Variants in B4GALT5 observed in about 807,000 individuals in gnomAD.
B4GALT5 encodes beta-1,4-galactosyltransferase 5, also known as UDP-Gal:beta-GlcNAc beta-1,4-galactosyltransferase 5.
B4GALT5 carries 11 observed loss-of-function variants against 45.0 expected under a neutral mutation model. The observed-to-expected ratio is 0.24, with a 90% CI of 0.15 to 0.40. The LOEUF is 0.40. Ranked by LOEUF, B4GALT5 falls within the 10% of genes least tolerant of loss-of-function variation. The probability of loss-of-function intolerance (pLI) is 1.00; values close to 1 mark genes in which losing one functional copy is unlikely to be tolerated. For synonymous variants in B4GALT5, 185 were observed against 182.9 expected (o/e 1.01, Z -0.09); for missense variants, 337 against 500.2 (o/e 0.67, Z 3.11).
intron 2 of B4GALT5, among the ~76,000 whole-genome samples, chr20:49,651,138 T>A (rs545974570): frequency 6.6e-6 from 1 of 151,724 alleles, no homozygotes; most frequent in Non-Finnish European, 1.5e-5. Context: ...TACAAAAAAT[T>A]AGCCAGGCAC....
At chr20:49,674,492 AAC>A (rs1421315354) in intron 1 of B4GALT5, among the ~76,000 whole-genome samples, 1 of 152,110 alleles carries the variant, frequency 6.6e-6, no homozygotes, top group East Asian at 1.9e-4. Flanking sequence ...CTGTAATCCC[AAC>A]ACTTTGGAAT....
At chr20:49,648,744 G>A (rs1445025449) in intron 2 of B4GALT5, among the ~76,000 whole-genome samples, 1 of 152,098 alleles carries the variant, frequency 6.6e-6, no homozygotes, top group African/African-American at 2.4e-5. Flanking sequence ...TTTCCTAGGG[G>A]ACTGTACTTG....
chr20:49,655,414 A>C (rs2085638673), intron 2 of B4GALT5, among the ~76,000 whole-genome samples: 1 of 152,096 alleles, frequency 6.6e-6, no homozygotes, highest in Non-Finnish European at 1.5e-5. Flanking sequence ...CCTGGGTGAC[A>C]AGAGCAAAAC....
chr20:49,663,690 A>AAAAAAAT (rs1555812124), intron 1 of B4GALT5, among the ~76,000 whole-genome samples: 3 of 96,960 alleles, frequency 3.1e-5, no homozygotes, highest in African/African-American at 1.3e-4. Flanking sequence ...AAAAAAAAAA[A>AAAAAAAT]ATATATACAT....
intron 1 of B4GALT5, among the ~76,000 whole-genome samples, chr20:49,670,841 A>G (rs1351073661): frequency 2.6e-5 from 4 of 152,200 alleles, no homozygotes; most frequent in Non-Finnish European, 5.9e-5. Context: ...TACAGATCAA[A>G]GTGAAATGTT....
Position 49,632,987 on chromosome 20 carries a change from TAAATTAACATAC to T in B4GALT5, c.*3313_*3324del, listed in dbSNP as rs1170305167. On this transcript the variant is annotated 3_prime_UTR_variant, in exon 9 of 9. Transcript: ENST00000371711. ...TATTTTTTACTGAAAAAATCATTCA[TAAATTAACATAC>T]AAAAATGTACAAACACATGAGTAAA... 2 of 152,650 alleles carry T rather than the reference TAAATTAACATAC, an allele frequency of 1.3e-5. No individual in the cohort carries two copies. Among genetic ancestry groups the T allele is most frequent in the Admixed American group, 6.5e-5 (1 of 15,288 alleles). The allele number at this position is 152,650 out of a possible 1,614,324, so 9.5% of individuals were successfully genotyped here.
At chr20:49,704,708 G>A (rs2085877102) in intron 1 of B4GALT5, among the ~76,000 whole-genome samples, 1 of 148,074 alleles carries the variant, frequency 6.8e-6, no homozygotes, top group Non-Finnish European at 1.5e-5. Flanking sequence ...GACAGAGCAA[G>A]ACTCTGTCTC....
At chr20:49,681,012 G>A (rs1238957011) in intron 1 of B4GALT5, among the ~76,000 whole-genome samples, 1 of 151,980 alleles carries the variant, frequency 6.6e-6, no homozygotes, top group African/African-American at 2.4e-5. Context: ...CCTGAGGCCA[G>A]GAGTTTGAGA....
chr20:49,668,955 T>C (rs1037307902), intron 1 of B4GALT5, among the ~76,000 whole-genome samples: 6 of 152,014 alleles, frequency 3.9e-5, no homozygotes, highest in Admixed American at 3.9e-4. Context: ...TCAACTTCCT[T>C]GGCTCAAGCA....
intron 1 of B4GALT5, among the ~76,000 whole-genome samples, chr20:49,702,348 T>C (rs2085865501): frequency 6.6e-6 from 1 of 152,144 alleles, no homozygotes; most frequent in African/African-American, 2.4e-5. Context: ...AGAAAAAGAA[T>C]GGGCACACTG....
intron 1 of B4GALT5, among the ~76,000 whole-genome samples, chr20:49,695,793 A>G (rs941436486): frequency 2.6e-5 from 4 of 152,128 alleles, no homozygotes; most frequent in Non-Finnish European, 4.4e-5. Context: ...GCATGACATT[A>G]ATGATATTCC....
intron 1 of B4GALT5, among the ~76,000 whole-genome samples, chr20:49,697,371 G>C (rs1387048980): frequency 2.0e-5 from 3 of 152,244 alleles, no homozygotes; most frequent in African/African-American, 7.2e-5. Context: ...ACTTCTGGCT[G>C]TACATTCTGA....
At chr20:49,695,909 T>C (rs955287187) in intron 1 of B4GALT5, among the ~76,000 whole-genome samples, 1 of 152,206 alleles carries the variant, frequency 6.6e-6, no homozygotes, top group South Asian at 2.1e-4. Context: ...CAAAGAAATA[T>C]GCTGAGTTTT....
intron 1 of B4GALT5, among the ~76,000 whole-genome samples, chr20:49,686,523 TAAAA>T (rs543904614): frequency 6.7e-6 from 1 of 148,872 alleles, no homozygotes; most frequent in African/African-American, 2.5e-5. Context: ...AGCCAATGGT[TAAAA>T]AAAAAATACA....
intron 1 of B4GALT5, among the ~76,000 whole-genome samples, chr20:49,699,851 A>G (rs4810978): frequency 0.55 from 84,212 of 152,014 alleles, 23,462 homozygotes; most frequent in South Asian, 0.68. Flanking sequence ...TCACAGGTAT[A>G]GGACAAAGGA....
rs55990435 is a variant in B4GALT5 at position 49,664,421 on chromosome 20, TACACACACACAC to T, written c.116-7731_116-7720del. Reference sequence around the variant, plus strand: ...TTTTTTTAGAGATGAGGTCTCCAAATACACACACACACACACACACACACACACACACACACA... The same window carrying T: ...TTTTTTTAGAGATGAGGTCTCCAAATACACACACACACACACACACACACA... On this transcript the variant is annotated intron_variant, in intron 1 of 8. Transcript: ENST00000371711. 6.9e-3 allele frequency among the ~76,000 whole-genome samples: 887 copies of T among 128,904 alleles called. 12 individuals carry two copies. The highest frequency in any genetic ancestry group is 0.068 in the South Asian group (241 of 3,560). 84.6% of individuals were successfully genotyped at this position (128,904 alleles called of 152,430 possible). A position where few individuals can be genotyped will look rare whatever the true frequency, so the allele number is the denominator to read the frequency against.
chr20:49,642,416 T>A, intron 5 of B4GALT5, 52 bp downstream of exon 5: 1 of 1,379,804 alleles, frequency 7.2e-7, no homozygotes, highest in Non-Finnish European at 1.0e-6. Context: ...TGCAGCAACC[T>A]AAACTGCTGT....
chr20:49,659,130 C>T (rs2085654956), intron 1 of B4GALT5, among the ~76,000 whole-genome samples: 1 of 152,210 alleles, frequency 6.6e-6, no homozygotes, highest in Admixed American at 6.5e-5. Context: ...ATTTCAAGCA[C>T]CCACATGGCT....
chr20:49,683,182 A>T (rs2146350128), intron 1 of B4GALT5, among the ~76,000 whole-genome samples: 1 of 152,342 alleles, frequency 6.6e-6, no homozygotes, highest in Non-Finnish European at 1.5e-5. Flanking sequence ...GTTAAATAAT[A>T]AAAGTTATCC....
Sources: gnomAD v4.1 joint callset for allele counts (sites outside exome capture counted in the v4.1 genomes callset) on GRCh38, gnomAD v4.1.1 for gene constraint, MANE v1.5 for transcripts, NCBI Gene and HGNC (gene_info 2026-07-23, HGNC 2026-07-21) for gene names.